The following EEA1 variants were observed in gnomAD, a reference collection of about 807,000 sequenced individuals.
EEA1 encodes the protein early endosome antigen 1, also known as early endosome antigen 1, 162kD.
A neutral mutation model predicts 209.2 loss-of-function variants in EEA1; 111 were observed. That is an observed-to-expected ratio of 0.53 (90% CI 0.45 to 0.62). The LOEUF (loss-of-function observed/expected upper bound fraction) is 0.62. Among genes scored for constraint, EEA1 ranks in the 20% least tolerant of loss-of-function variants. The pLI is 0.00. For missense variants in EEA1, 1,343 were observed against 1,530.8 expected, an observed-to-expected ratio of 0.88 and a Z score of 2.05; for synonymous variants, 536 against 540.6, an observed-to-expected ratio of 0.99 and a Z score of 0.12.
Position 92,893,219 on chromosome 12 carries a change from A to G in EEA1, c.25-1498T>C, listed in dbSNP as rs202171520. Among the ~76,000 whole-genome samples the G allele has an allele frequency of 1.6e-4, 24 of 152,328 alleles. No individual in the cohort carries two copies. In the East Asian group the frequency reaches 4.4e-3, roughly 28 times the overall value. On this transcript the variant is annotated intron_variant, in intron 1 of 28. Transcript: ENST00000322349. ...TGAAACCTAGTAAAACACTGGGTAA[A>G]AAGAGATTTAGAGCACAAAAACTGA...
At chr12:92,872,060 T>C (rs1258715587) in intron 2 of EEA1, among the ~76,000 whole-genome samples, 1 of 150,524 alleles carries the variant, frequency 6.6e-6, no homozygotes, top group African/African-American at 2.4e-5. Context: ...TTTTTTTTTT[T>C]TTTTTTGAGA....
intron 9 of EEA1, among the ~76,000 whole-genome samples, chr12:92,848,237 A>G (rs1252902444): frequency 6.6e-6 from 1 of 151,872 alleles, no homozygotes; most frequent in East Asian, 1.9e-4. Flanking sequence ...TCTAGAAAAA[A>G]AAAAAAAATC....
At chr12:92,903,410 C>G (rs958375348) in intron 1 of EEA1, among the ~76,000 whole-genome samples, 11 of 151,484 alleles carry the variant, frequency 7.3e-5, no homozygotes, top group Non-Finnish European at 1.6e-4. Context: ...CCAGCCTGAC[C>G]AACAAGGAGA....
At position 92,845,484 on chromosome 12, in the gene EEA1, CCTT is replaced by C. The variant is rs200544376; in HGVS notation, c.799-2906_799-2904del. 5.9e-3 allele frequency among the ~76,000 whole-genome samples: 899 copies of C among 152,186 alleles called. 9 individuals carry two copies. Among genetic ancestry groups the C allele is most frequent in the African/African-American group, 0.02 (850 of 41,526 alleles). On this transcript the variant is annotated intron_variant, in intron 9 of 28. Transcript: ENST00000322349. Reference sequence around the variant, plus strand: ...GTTCAAAGATCTCTATTCATACTGACCTTCTTCTCTAATAGGCCAAGATTGTAT... The same window carrying C: ...GTTCAAAGATCTCTATTCATACTGACCTTCTCTAATAGGCCAAGATTGTAT...
chr12:92,793,542 G>A lies in EEA1; in HGVS notation c.2967+5350C>T, dbSNP rs924976608. 2.0e-5 allele frequency among the ~76,000 whole-genome samples: 3 copies of A among 152,260 alleles called. No individual in the cohort carries two copies. In the Middle Eastern group the frequency reaches 0.01, roughly 518 times the overall value. On this transcript the variant is annotated intron_variant, in intron 21 of 28. Transcript: ENST00000322349. ...AACTCCCATTCACAATTGCTACAAA[G>A]AGAATAAAATACCTAGGAATCCAAC...
chr12:92,776,632 G>A (rs1195344044), intron 28 of EEA1, among the ~76,000 whole-genome samples: 1 of 151,862 alleles, frequency 6.6e-6, no homozygotes, highest in Non-Finnish European at 1.5e-5. Flanking sequence ...CAGTAACTAA[G>A]TTGGAAGACA....
intron 1 of EEA1, among the ~76,000 whole-genome samples, chr12:92,905,084 A>G (rs1304416085): frequency 6.6e-6 from 1 of 152,130 alleles, no homozygotes; most frequent in Non-Finnish European, 1.5e-5. Flanking sequence ...GCCCATCAAT[A>G]TCACCTTATT....
chr12:92,858,618 T>A, intron 3 of EEA1: 1 of 735,278 alleles, frequency 1.4e-6, no homozygotes, highest in Non-Finnish European at 2.5e-6. Flanking sequence ...GGTTATGCCC[T>A]GATTCTACAA....
rs193133759 is a variant in EEA1, at chr12:92,853,673, C to G, written c.406+242G>C. Among the ~76,000 whole-genome samples the G allele has an allele frequency of 2.3e-3, 349 of 152,110 alleles. 3 individuals carry two copies. Among genetic ancestry groups the G allele is most frequent in the African/African-American group, 7.8e-3 (322 of 41,506 alleles). On this transcript the variant is annotated intron_variant, in intron 6 of 28. Coordinates refer to ENST00000322349, the MANE Select transcript of EEA1 (RefSeq NM_003566.4). Reference sequence around the variant, plus strand: ...TAAACAACCATATTAATGTAATATTCCAGAAGTTTCTTACTTCAAAATATA... The same window carrying G: ...TAAACAACCATATTAATGTAATATTGCAGAAGTTTCTTACTTCAAAATATA...
At position 92,913,407 on chromosome 12, in the gene EEA1, C is replaced by T. The variant is rs149936330; in HGVS notation, c.24+15636G>A. On this transcript the variant is annotated intron_variant, in intron 1 of 28. Coordinates refer to ENST00000322349, the MANE Select transcript of EEA1 (RefSeq NM_003566.4). ...TGATGGACTTGTTTTTTTCTTGTTGCGTTCCATGTAGATTCCGGATGTTAG... is the reference window on the plus strand; with the variant it reads ...TGATGGACTTGTTTTTTTCTTGTTGTGTTCCATGTAGATTCCGGATGTTAG... 8.0e-3 allele frequency among the ~76,000 whole-genome samples: 1,212 copies of T among 152,090 alleles called. 25 individuals carry two copies. The highest frequency in any genetic ancestry group is 0.027 in the African/African-American group (1,115 of 41,502).
chr12:92,928,045 T>C (rs1399278323), intron 1 of EEA1, among the ~76,000 whole-genome samples: 3 of 152,178 alleles, frequency 2.0e-5, no homozygotes. Context: ...TCTTTTGTCC[T>C]TTGAACTAGT....
intron 1 of EEA1, among the ~76,000 whole-genome samples, chr12:92,922,088 C>A (rs2136788879): frequency 6.6e-6 from 1 of 152,214 alleles, no homozygotes; most frequent in East Asian, 1.9e-4. Context: ...ACTTCTCAGT[C>A]CTTATTTGAC....
At chr12:92,884,795 T>C in intron 2 of EEA1, 1 of 802,412 alleles carries the variant, frequency 1.2e-6, no homozygotes, top group Non-Finnish European at 2.1e-6. Context: ...CCAAGCACAG[T>C]GGTGGCAGGG....
chr12:92,780,347 C>T lies in EEA1; in HGVS notation c.3401G>A (p.Cys1134Tyr), dbSNP rs373405068. The T allele has an allele frequency of 2.5e-6, 4 of 1,600,646 alleles. No homozygotes were observed. The South Asian group carries it at 3.4e-5, about 14-fold the overall frequency. ...SKLAEIEEIKCRQEKEITKLN... is the reference protein window; with the variant it reads ...SKLAEIEEIKYRQEKEITKLN... ...TTTAGTGATTTCTTTTTCTTGTCTA[C>T]ATTTAATTTCTTCTATCTCTGCCAA... Residue 1134 changes from cysteine to tyrosine, a missense_variant, in exon 24 of 29, where the codon TGT (cysteine) becomes TAT (tyrosine). Around this residue, in one of 3 missense-constraint regions of EEA1, gnomAD observed 1,307 missense variants for 1,465.5 expected, o/e 0.89. Coordinates refer to ENST00000322349, the MANE Select transcript of EEA1 (RefSeq NM_003566.4).
intron 18 of EEA1, among the ~76,000 whole-genome samples, chr12:92,803,747 AC>A (rs1397754586): frequency 6.6e-6 from 1 of 152,142 alleles, no homozygotes; most frequent in East Asian, 1.9e-4. Flanking sequence ...TAATAGGTTC[AC>A]AAGATATTAT....
chr12:92,778,982 G>T (rs1873780786), intron 25 of EEA1, 133 bp downstream of exon 25: 1 of 699,594 alleles, frequency 1.4e-6, no homozygotes, highest in South Asian at 3.3e-5. Context: ...AAATAAATCA[G>T]ATCTCCTTCC....
At chr12:92,876,426 G>A (rs1352273653) in intron 2 of EEA1, among the ~76,000 whole-genome samples, 1 of 152,024 alleles carries the variant, frequency 6.6e-6, no homozygotes. Flanking sequence ...AGCTCCACCA[G>A]GATAAATACT....
intron 20 of EEA1, among the ~76,000 whole-genome samples, chr12:92,799,621 C>A (rs1874812789): frequency 6.6e-6 from 1 of 151,742 alleles, no homozygotes; most frequent in Non-Finnish European, 1.5e-5. Flanking sequence ...CCCATCTCTA[C>A]TAAAAATACA....
chr12:92,845,053 T>C (rs1877332873), intron 9 of EEA1, among the ~76,000 whole-genome samples: 1 of 152,116 alleles, frequency 6.6e-6, no homozygotes, highest in Non-Finnish European at 1.5e-5. Flanking sequence ...TCCTATTTTA[T>C]AGCTTTTAGA....
Sources: gnomAD v4.1 joint callset for allele counts (sites outside exome capture counted in the v4.1 genomes callset) on GRCh38, gnomAD v4.1.1 for gene constraint, gnomAD v4.1.1 regional missense constraint, MANE v1.5 for transcripts, NCBI Gene and HGNC (gene_info 2026-07-23, HGNC 2026-07-21) for gene names.